The following ADAMTS17 variants were observed in gnomAD, a reference collection of about 807,000 sequenced individuals.
ADAMTS17 encodes A disintegrin and metalloproteinase with thrombospondin motifs 17.
In ADAMTS17, 113 loss-of-function variants were observed where a neutral mutation model predicts 141.5. The observed-to-expected ratio is 0.80, with a 90% CI of 0.69 to 0.93. The LOEUF is 0.93. Among genes scored for constraint, ADAMTS17 ranks in the 40% least tolerant of loss-of-function variants. The pLI, the probability that ADAMTS17 is intolerant of heterozygous loss-of-function variation, is 0.00. For missense variants in ADAMTS17, 1,659 were observed against 1,517.9 expected (o/e 1.09, Z -1.54); for synonymous variants, 768 against 630.6 (o/e 1.22, Z -3.27).
chr15:100,341,740 G>T, intron 1 of ADAMTS17, 81 bp downstream of exon 1: 1 of 1,485,878 alleles, frequency 6.7e-7, no homozygotes, highest in Non-Finnish European at 9.0e-7. Flanking sequence ...GCCGCCCCCG[G>T]GCCGCCAGGA....
chr15:100,240,802 C>T (rs954481348), intron 7 of ADAMTS17, among the ~76,000 whole-genome samples: 3 of 152,122 alleles, frequency 2.0e-5, no homozygotes, highest in African/African-American at 4.8e-5. Flanking sequence ...TTATACTCAA[C>T]TTCTGTTTGT....
intron 8 of ADAMTS17, among the ~76,000 whole-genome samples, chr15:100,161,140 A>G (rs1233390040): frequency 1.3e-5 from 2 of 152,134 alleles, no homozygotes; most frequent in African/African-American, 4.8e-5. Context: ...ACTTGATTTT[A>G]TCTTAAAATA....
At chr15:100,176,240 T>G (rs1485483883) in intron 8 of ADAMTS17, among the ~76,000 whole-genome samples, 4 of 152,130 alleles carry the variant, frequency 2.6e-5, no homozygotes, top group African/African-American at 9.7e-5. Flanking sequence ...CTTCAAACAG[T>G]ACATGGCACA....
At chr15:100,260,788 TAA>T (rs1034941152) in intron 6 of ADAMTS17, among the ~76,000 whole-genome samples, 2 of 152,102 alleles carry the variant, frequency 1.3e-5, no homozygotes, top group Non-Finnish European at 2.9e-5. Flanking sequence ...TTCTTTAAAT[TAA>T]AAAAAGTCAT....
chr15:100,100,822 G>A (rs980749476), intron 14 of ADAMTS17, among the ~76,000 whole-genome samples: 25 of 152,222 alleles, frequency 1.6e-4, no homozygotes, highest in Non-Finnish European at 3.1e-4. Context: ...CCGCACATAT[G>A]AATTTAAGAC....
chr15:100,124,881 C>T (rs1022512799), intron 12 of ADAMTS17, among the ~76,000 whole-genome samples: 4 of 152,162 alleles, frequency 2.6e-5, no homozygotes, highest in Admixed American at 6.5e-5. Flanking sequence ...GACACAAGCC[C>T]AGAGCAGAGA....
chr15:100,292,610 T>C (rs940880660), intron 3 of ADAMTS17, among the ~76,000 whole-genome samples: 3 of 152,120 alleles, frequency 2.0e-5, no homozygotes, highest in Admixed American at 2.0e-4. Context: ...TTATGAGAGA[T>C]ACTAACCCCA....
At chr15:100,060,891 C>T (rs1475946394) in intron 15 of ADAMTS17, among the ~76,000 whole-genome samples, 3 of 152,220 alleles carry the variant, frequency 2.0e-5, no homozygotes, top group South Asian at 2.1e-4. Flanking sequence ...ACTTCCAAAG[C>T]ACCCAGCCCC....
chr15:100,257,397 C>G (rs1224440939), intron 6 of ADAMTS17, among the ~76,000 whole-genome samples: 1 of 152,268 alleles, frequency 6.6e-6, no homozygotes, highest in Non-Finnish European at 1.5e-5. Context: ...TTCAATTTAA[C>G]ATCTGCGAGG....
intron 8 of ADAMTS17, among the ~76,000 whole-genome samples, chr15:100,161,761 G>A (rs568823781): frequency 1.3e-5 from 2 of 152,224 alleles, no homozygotes; most frequent in Admixed American, 6.5e-5. Flanking sequence ...TGCCACTAGG[G>A]GATAACAGGC....
intron 8 of ADAMTS17, among the ~76,000 whole-genome samples, chr15:100,183,012 A>G (rs774870963): frequency 6.6e-6 from 1 of 151,664 alleles, no homozygotes; most frequent in African/African-American, 2.4e-5. Context: ...TTTTTGAGAC[A>G]GAGTCTCGCA....
rs1483239977 is a variant in ADAMTS17, at chr15:100,138,188, G to A, written c.1474-4873C>T. ...TAGAAGCAGCCCCTTTTCAGAAAAA[G>A]GGGTTCTGGTTGAAACAAATTTAAG... On this transcript the variant is annotated intron_variant, in intron 10 of 21. Transcript: ENST00000268070. 3.3e-5 allele frequency among the ~76,000 whole-genome samples: 5 copies of A among 152,130 alleles called. No homozygotes were observed. The South Asian group carries it at 1.0e-3, about 32-fold the overall frequency.
intron 7 of ADAMTS17, among the ~76,000 whole-genome samples, chr15:100,223,249 T>A (rs1208796424): frequency 6.6e-6 from 1 of 152,178 alleles, no homozygotes; most frequent in African/African-American, 2.4e-5. Context: ...TGCTGCCACG[T>A]GGGGATGTGC....
At chr15:100,068,697 T>C (rs1377366753) in intron 15 of ADAMTS17, among the ~76,000 whole-genome samples, 2 of 152,222 alleles carry the variant, frequency 1.3e-5, no homozygotes. Flanking sequence ...GGGTCCTGAC[T>C]GTTAGAAGGA....
chr15:100,283,423 ATTCC>A (rs1218480934), intron 3 of ADAMTS17, among the ~76,000 whole-genome samples: 1 of 152,158 alleles, frequency 6.6e-6, no homozygotes, highest in East Asian at 1.9e-4. Flanking sequence ...ATCTATGAAG[ATTCC>A]TTCCTTGTTT....
chr15:100,200,045 G>A (rs2041265545), intron 7 of ADAMTS17, among the ~76,000 whole-genome samples: 1 of 152,242 alleles, frequency 6.6e-6, no homozygotes, highest in African/African-American at 2.4e-5. Flanking sequence ...GGAAGACCCA[G>A]AGGAAGCGGA....
intron 14 of ADAMTS17, among the ~76,000 whole-genome samples, chr15:100,101,464 A>G (rs534204142): frequency 6.6e-6 from 1 of 152,206 alleles, no homozygotes; most frequent in South Asian, 2.1e-4. Context: ...ATTCCACCCT[A>G]TGGGTTTTCT....
intron 12 of ADAMTS17, among the ~76,000 whole-genome samples, chr15:100,131,295 C>G (rs2038027652): frequency 6.6e-6 from 1 of 150,720 alleles, no homozygotes; most frequent in South Asian, 2.1e-4. Context: ...GTGCAGCAAA[C>G]CACCATGGCA....
chr15:100,008,658 C>G (rs2061089815), intron 18 of ADAMTS17, among the ~76,000 whole-genome samples: 1 of 152,208 alleles, frequency 6.6e-6, no homozygotes, highest in South Asian at 2.1e-4. Flanking sequence ...TGATCTCGTC[C>G]CTTCCTGTCC....
Sources: gnomAD v4.1 joint callset for allele counts (sites outside exome capture counted in the v4.1 genomes callset) on GRCh38, gnomAD v4.1.1 for gene constraint, MANE v1.5 for transcripts, NCBI Gene and HGNC (gene_info 2026-07-23, HGNC 2026-07-21) for gene names.